The following DOCK6 variants were observed in gnomAD, a reference collection of about 807,000 sequenced individuals.
The protein encoded by DOCK6 is dedicator of cytokinesis protein 6.
A neutral mutation model predicts 230.3 loss-of-function variants in DOCK6; 167 were observed. The ratio of observed to expected loss-of-function variants is 0.73; its 90% confidence interval spans 0.64 to 0.82. The LOEUF (loss-of-function observed/expected upper bound fraction) is 0.82. Among genes scored for constraint, DOCK6 ranks in the 40% least tolerant of loss-of-function variants. The pLI is 0.00. For synonymous variants in DOCK6, 1,148 were observed against 1,185.0 expected, an observed-to-expected ratio of 0.97 and a Z score of 0.64; for missense variants, 2,598 against 2,825.8, an observed-to-expected ratio of 0.92 and a Z score of 1.83.
chr19:11,240,175 C>G (rs1461932577), intron 14 of DOCK6: 1 of 1,552,958 alleles, frequency 6.4e-7, no homozygotes, highest in East Asian at 2.4e-5. Flanking sequence ...GAGGCCACAG[C>G]TGAGGTGCTG....
chr19:11,244,507 C>T (rs549184301), intron 9 of DOCK6, among the ~76,000 whole-genome samples: 2 of 126,738 alleles, frequency 1.6e-5, no homozygotes, highest in South Asian at 2.6e-4. Context: ...GTCACCCAGA[C>T]GGAAGTGCAA....
In DOCK6 at chr19:11,208,841, G is replaced by A. The variant is rs1375673354; in HGVS notation, c.4945-12C>T. 6 of 1,609,844 alleles carry A rather than the reference G, an allele frequency of 3.7e-6. No homozygotes were observed. Among genetic ancestry groups the A allele is most frequent in the Non-Finnish European group, 5.1e-6 (6 of 1,176,654 alleles). On this transcript the variant is annotated splice_polypyrimidine_tract_variant and intron_variant, in intron 38 of 47. Coordinates refer to ENST00000294618, the MANE Select transcript of DOCK6 (RefSeq NM_020812.4). ...TTGGATGAGATGTTCTGGGGTGGGA[G>A]AGGTGGCGTCAGACCCTGGTCCCCA...
chr19:11,218,922 AGGCT>A (rs1388848164), intron 28 of DOCK6, among the ~76,000 whole-genome samples: 2 of 123,024 alleles, frequency 1.6e-5, no homozygotes, highest in Non-Finnish European at 3.2e-5. Context: ...TCTGTTGCCC[AGGCT>A]GGAGTGCAGT....
intron 32 of DOCK6, 29 bp downstream of exon 32, chr19:11,215,358 T>C (rs752563394): frequency 1.2e-6 from 2 of 1,606,146 alleles, no homozygotes; most frequent in Non-Finnish European, 1.7e-6. Context: ...TGTTCTGAAC[T>C]CAGCAGACAC....
At position 11,215,919 on chromosome 19, in the gene DOCK6, C is replaced by CT; in HGVS notation, c.3902dup (p.Ala1302GlyfsTer3). 2 of 1,612,206 alleles carry CT rather than the reference C, an allele frequency of 1.2e-6. No individual in the cohort carries two copies. The highest frequency in any genetic ancestry group is 1.7e-6 in the Non-Finnish European group (2 of 1,178,798). On this transcript the variant is annotated frameshift_variant, in exon 31 of 48. Coordinates refer to ENST00000294618, the MANE Select transcript of DOCK6 (RefSeq NM_020812.4). LOFTEE classifies it high-confidence loss of function. ...TGAGGCTGTTGATGCGTTCAAAGGC[C>CT]TTTTTCCCCTGGGGGTGCAGAGAAC...
chr19:11,235,669 T>C lies in DOCK6; in HGVS notation c.2483A>G (p.His828Arg). 1 of 1,602,424 alleles carries C rather than the reference T, an allele frequency of 6.2e-7. No homozygotes were observed. Among genetic ancestry groups the C allele is most frequent in the East Asian group, 2.2e-5 (1 of 44,518 alleles). ...SLEAAQDARG[H>R]CPQLAAYVHY... ...GACGTAGGCAGCCAGCTGTGGGCAG[T>C]GACCGCGGGCATCCTGGGCTGCCTC... The change falls in exon 21 of 48, where the codon CAC (histidine) becomes CGC (arginine). Residue 828 changes from histidine to arginine, a missense_variant. Coordinates refer to ENST00000294618, the MANE Select transcript of DOCK6 (RefSeq NM_020812.4).
chr19:11,202,159 C>A lies in DOCK6; in HGVS notation c.5452-34G>T. ...AGGGTCAGGTGTGAGGATCCCACAGCCCCAGCACGCACAGCCCAAGCCCTG... is the reference window on the plus strand; with the variant it reads ...AGGGTCAGGTGTGAGGATCCCACAGACCCAGCACGCACAGCCCAAGCCCTG... On this transcript the variant is annotated intron_variant, in intron 43 of 47. Coordinates refer to ENST00000294618, the MANE Select transcript of DOCK6 (RefSeq NM_020812.4). This position sits in a 1 kb window ranked among gnomAD's most constrained non-coding sequence, Gnocchi z 5.3. The A allele has an allele frequency of 6.3e-7, 1 of 1,599,638 alleles. No homozygotes were observed. Among genetic ancestry groups the A allele is most frequent in the Non-Finnish European group, 8.6e-7 (1 of 1,167,706 alleles).
At chr19:11,226,073 A>G (rs1290241147) in intron 24 of DOCK6, among the ~76,000 whole-genome samples, 1 of 152,074 alleles carries the variant, frequency 6.6e-6, no homozygotes, top group African/African-American at 2.4e-5. Context: ...CAATCTGGAC[A>G]TAGCTGAGCC....
At chr19:11,232,088 G>T in intron 22 of DOCK6, 2 of 916,566 alleles carry the variant, frequency 2.2e-6, no homozygotes, top group Non-Finnish European at 2.9e-6. Flanking sequence ...ACCTCCTTCA[G>T]GCAGCCCCCC....
At chr19:11,233,851 T>C (rs1457150943) in intron 21 of DOCK6, among the ~76,000 whole-genome samples, 1 of 151,672 alleles carries the variant, frequency 6.6e-6, no homozygotes, top group Non-Finnish European at 1.5e-5. Context: ...TTTTTTTTTT[T>C]CTTAGAGAGT....
intron 28 of DOCK6, among the ~76,000 whole-genome samples, chr19:11,220,357 T>G (rs562508879): frequency 1.7e-4 from 26 of 151,332 alleles, no homozygotes; most frequent in Admixed American, 1.1e-3. Context: ...GAGGGAGGAG[T>G]TGTCAACAAA....
rs188425742 is a variant in DOCK6 at position 11,240,888 on chromosome 19, G to C, written c.1643+1157C>G. 9.7e-4 allele frequency among the ~76,000 whole-genome samples: 148 copies of C among 151,858 alleles called. 1 individual carries two copies. Among genetic ancestry groups the C allele is most frequent in the Non-Finnish European group, 1.2e-3 (79 of 67,962 alleles). ...CCTGGCCAATAAATTCTTACTACTA[G>C]AGAAACTGGTAACATTTTGTGAGCA... On this transcript the variant is annotated intron_variant, in intron 14 of 47. Transcript: ENST00000294618.
intron 1 of DOCK6, among the ~76,000 whole-genome samples, chr19:11,255,816 T>C (rs190275117): frequency 8.7e-4 from 132 of 152,292 alleles, no homozygotes; most frequent in African/African-American, 3.0e-3. Context: ...AGACGGAGTC[T>C]CGATCTGTTG....
chr19:11,224,749 G>A lies in DOCK6; in HGVS notation c.2956-1643C>T, dbSNP rs190675592. Among the ~76,000 whole-genome samples, 94 of 152,242 alleles carry A rather than the reference G, an allele frequency of 6.2e-4. 2 individuals carry two copies. The East Asian group carries it at 0.016, about 26-fold the overall frequency. On this transcript the variant is annotated intron_variant, in intron 24 of 47. Coordinates refer to ENST00000294618, the MANE Select transcript of DOCK6 (RefSeq NM_020812.4). The stretch of plus-strand genomic sequence containing the variant: ...CTTGAGCCACTCTGAGGCCTCACAA[G>A]TTAGCCTCAGTGGCCCTCAAATCCC...
intron 24 of DOCK6, among the ~76,000 whole-genome samples, chr19:11,225,159 C>T (rs1007810291): frequency 2.0e-5 from 3 of 151,634 alleles, no homozygotes; most frequent in Non-Finnish European, 2.9e-5. Flanking sequence ...ACCTGGGAGG[C>T]GGAGGTTGCG....
Position 11,243,254 on chromosome 19 carries a change from A to T in DOCK6, c.1386+4T>A. ...GGAGAGTCCCTGGCCCCAGGGTAGG[A>T]CACCTGCTTAAAGAAGTTTGTGACA... On this transcript the variant is annotated splice_donor_region_variant and intron_variant, in intron 12 of 47. Coordinates refer to ENST00000294618, the MANE Select transcript of DOCK6 (RefSeq NM_020812.4). This position sits in a 1 kb window ranked among gnomAD's most constrained non-coding sequence, Gnocchi z 6.3. The T allele has an allele frequency of 6.2e-7, 1 of 1,612,586 alleles. No individual in the cohort carries two copies. Among genetic ancestry groups the T allele is most frequent in the South Asian group, 1.1e-5 (1 of 90,858 alleles).
chr19:11,255,407 C>G (rs989783016), intron 1 of DOCK6, among the ~76,000 whole-genome samples: 1 of 151,198 alleles, frequency 6.6e-6, no homozygotes, highest in African/African-American at 2.4e-5. Flanking sequence ...CAGGCTCAAG[C>G]GATCCTCCTC....
intron 28 of DOCK6, among the ~76,000 whole-genome samples, chr19:11,217,629 G>A (rs951366978): frequency 6.6e-6 from 1 of 151,380 alleles, no homozygotes; most frequent in Non-Finnish European, 1.5e-5. Context: ...GTGGTGGCGG[G>A]CGCCTGTAAT....
intron 1 of DOCK6, among the ~76,000 whole-genome samples, chr19:11,255,121 C>G (rs549003109): frequency 6.6e-6 from 1 of 151,900 alleles, no homozygotes; most frequent in South Asian, 2.1e-4. Flanking sequence ...CTCCTGCCTC[C>G]GCCTCCTGAG....
Sources: gnomAD v4.1 joint callset for allele counts (sites outside exome capture counted in the v4.1 genomes callset) on GRCh38, gnomAD v4.1.1 for gene constraint, Gnocchi (gnomAD v3.1) non-coding constraint, MANE v1.5 for transcripts, NCBI Gene and HGNC (gene_info 2026-07-23, HGNC 2026-07-21) for gene names.